MACF1: variants seen among roughly 807,000 people sequenced by gnomAD.
MACF1 encodes microtubule actin crosslinking factor 1.
Under a neutral mutation model 854.8 loss-of-function variants are expected in MACF1, and 193 were observed. The observed-to-expected ratio is 0.23, with a 90% confidence interval of 0.20 to 0.25. The LOEUF is 0.25. Ranked by LOEUF, MACF1 falls within the 10% of genes least tolerant of loss-of-function variation. The pLI, the probability that MACF1 is intolerant of heterozygous loss-of-function variation, is 1.00. For missense variants in MACF1, 7,722 were observed against 8,929.1 expected, an observed-to-expected ratio of 0.86 and a Z score of 5.45; for synonymous variants, 3,185 against 3,226.7, an observed-to-expected ratio of 0.99 and a Z score of 0.44.
In MACF1 at chr1:39,254,380, G is replaced by T; in HGVS notation, c.435+5G>T. 1 of 1,613,888 alleles carries T rather than the reference G, an allele frequency of 6.2e-7. No homozygotes were observed. The highest frequency in any genetic ancestry group is 1.7e-4 in the Middle Eastern group (1 of 6,050). On this transcript the variant is annotated splice_donor_5th_base_variant and intron_variant, in intron 5 of 100. Coordinates refer to ENST00000564288, the MANE Select transcript of MACF1 (RefSeq NM_001394062.1). The stretch of plus-strand genomic sequence containing the variant: ...GACTTCCTAAAGCAGCGACAGGTAA[G>T]ACCATCACATGCCTTCCCCATTCTT...
rs1649114017 is a variant in MACF1, at chr1:39,370,286, A to G, written c.13095+100A>G. ...TGGTGGGGAAATGTATGAGAAATCC[A>G]AGTTGTCAGTCTGCATCAGAACAGA... On this transcript the variant is annotated intron_variant, in intron 51 of 100. Coordinates refer to ENST00000564288, the MANE Select transcript of MACF1 (RefSeq NM_001394062.1). The G allele has an allele frequency of 4.5e-6, 5 of 1,105,538 alleles. No homozygotes were observed. The East Asian group carries it at 1.3e-4, about 30-fold the overall frequency. The allele number at this position is 1,105,538 out of a possible 1,614,324, so 68.5% of individuals were successfully genotyped here.
At chr1:39,154,954 G>A (rs934260475) in intron 2 of MACF1, among the ~76,000 whole-genome samples, 1 of 152,114 alleles carries the variant, frequency 6.6e-6, no homozygotes, top group African/African-American at 2.4e-5. Flanking sequence ...AGTCTTTCAC[G>A]TTTCCCTGTC....
chr1:39,424,225 C>T, intron 61 of MACF1, 31 bp downstream of exon 61: 1 of 1,593,850 alleles, frequency 6.3e-7, no homozygotes, highest in Non-Finnish European at 8.6e-7. Context: ...AGGAGTGGGT[C>T]AGAGGTTTGT....
chr1:39,477,588 A>G (rs905913991), intron 97 of MACF1, among the ~76,000 whole-genome samples: 2 of 151,754 alleles, frequency 1.3e-5, no homozygotes, highest in African/African-American at 4.8e-5. Context: ...AGCAATTTCC[A>G]TGAGTGGTGG....
chr1:39,125,661 CTG>C (rs1278242998), intron 2 of MACF1, among the ~76,000 whole-genome samples: 1 of 152,136 alleles, frequency 6.6e-6, no homozygotes, highest in East Asian at 1.9e-4. Flanking sequence ...TAGCCAGGTC[CTG>C]TCTGTTTTTA....
At position 39,485,743 on chromosome 1, in the gene MACF1, G is replaced by A. The variant is rs564915246; in HGVS notation, c.22617G>A (p.Met7539Ile). The A allele has an allele frequency of 6.2e-7, 1 of 1,613,028 alleles. No homozygotes were observed. Among genetic ancestry groups the A allele is most frequent in the Admixed American group, 1.7e-5 (1 of 59,998 alleles). ...GLNKPSKIPT[M>I]SKKTTTASPR... ...ACAAACCTTCCAAAATCCCAACCAT[G>A]TCTAAGAAGACCACCACTGCCTCCC... Residue 7539 changes from methionine (M) to isoleucine (I), a missense_variant, in exon 101 of 101, where the codon ATG becomes ATA. By Grantham distance (10) the Met-to-Ile change is conservative (BLOSUM62 1). Coordinates refer to ENST00000564288, the MANE Select transcript of MACF1 (RefSeq NM_001394062.1).
At chr1:39,415,985 A>G (rs921259255) in intron 58 of MACF1, among the ~76,000 whole-genome samples, 13 of 152,320 alleles carry the variant, frequency 8.5e-5, no homozygotes, top group African/African-American at 3.1e-4. Flanking sequence ...GATGGATGCT[A>G]CAAGAAAGAT....
chr1:39,093,282 C>T (rs981340356), intron 2 of MACF1, among the ~76,000 whole-genome samples: 6 of 150,844 alleles, frequency 4.0e-5, no homozygotes, highest in Non-Finnish European at 5.9e-5. Context: ...GTTCAGTCCC[C>T]AAGACATTCC....
rs753331347 is a variant in MACF1 at position 39,332,015 on chromosome 1, G to A, written c.5427G>A (p.Gln1809=). Residue 1809 remains glutamine, a synonymous_variant, in exon 37 of 101, where the codon CAG becomes CAA. Coordinates refer to ENST00000564288, the MANE Select transcript of MACF1 (RefSeq NM_001394062.1). ...GTGCTATCCTCATAAGGCAGCTTCA[G>A]ACAGGAGGCATCATAGACACTGTCA... ...MACAILIRQL[Q]TGGIIDTVTG... The A allele has an allele frequency of 6.2e-7, 1 of 1,614,010 alleles. No individual in the cohort carries two copies. Among genetic ancestry groups the A allele is most frequent in the Non-Finnish European group, 8.5e-7 (1 of 1,180,012 alleles).
chr1:39,255,326 A>G (rs1645084978), intron 5 of MACF1, among the ~76,000 whole-genome samples: 1 of 152,192 alleles, frequency 6.6e-6, no homozygotes, highest in Non-Finnish European at 1.5e-5. Context: ...AGAGACAAGG[A>G]GAATGACAGA....
intron 2 of MACF1, among the ~76,000 whole-genome samples, chr1:39,147,249 CTCTT>C (rs970487690): frequency 2.7e-5 from 4 of 150,322 alleles, no homozygotes; most frequent in South Asian, 2.1e-4. Flanking sequence ...TCTCTCCTCT[CTCTT>C]TTCCTTCCTT....
intron 58 of MACF1, chr1:39,413,247 G>A (rs1263640116): frequency 1.2e-6 from 2 of 1,612,606 alleles, no homozygotes; most frequent in East Asian, 2.2e-5. Flanking sequence ...CTGTCAGAGT[G>A]TCCACCCCAG....
chr1:39,286,293 C>T (rs945428560), intron 14 of MACF1, among the ~76,000 whole-genome samples: 2 of 152,138 alleles, frequency 1.3e-5, no homozygotes, highest in African/African-American at 4.8e-5. Context: ...GGATTATAGG[C>T]GTGAACCACT....
chr1:39,171,177 C>G (rs1057287949), intron 2 of MACF1, among the ~76,000 whole-genome samples: 22 of 150,212 alleles, frequency 1.5e-4, no homozygotes, highest in African/African-American at 4.9e-4. Flanking sequence ...TCCATATTTA[C>G]TTTTACATAA....
intron 1 of MACF1, among the ~76,000 whole-genome samples, chr1:39,205,439 C>G (rs1322114755): frequency 6.6e-6 from 1 of 152,150 alleles, no homozygotes; most frequent in Non-Finnish European, 1.5e-5. Context: ...AGTCTTTCCT[C>G]AGAGAACTGA....
intron 58 of MACF1, among the ~76,000 whole-genome samples, chr1:39,390,662 T>A (rs1641996487): frequency 6.6e-6 from 1 of 152,224 alleles, no homozygotes; most frequent in South Asian, 2.1e-4. Context: ...TTTCCTCTTT[T>A]GTTATAAGTG....
At chr1:39,248,236 C>T (rs17503527) in intron 2 of MACF1, among the ~76,000 whole-genome samples, 2 of 152,112 alleles carry the variant, frequency 1.3e-5, no homozygotes, top group African/African-American at 2.4e-5. Flanking sequence ...CCCGTTTCTT[C>T]GAGGAAGTCT....
At chr1:39,223,452 G>A (rs1472476915) in intron 1 of MACF1, among the ~76,000 whole-genome samples, 2 of 152,040 alleles carry the variant, frequency 1.3e-5, no homozygotes, top group Admixed American at 1.3e-4. Context: ...GAGTTGTTGA[G>A]CATTAGAAAG....
chr1:39,211,696 G>A (rs1571178891), intron 1 of MACF1, among the ~76,000 whole-genome samples: 1 of 152,108 alleles, frequency 6.6e-6, no homozygotes, highest in East Asian at 1.9e-4. Flanking sequence ...GCCTGGCCAA[G>A]ATGGTAAAAC....
Sources: gnomAD v4.1 joint callset for allele counts (sites outside exome capture counted in the v4.1 genomes callset) on GRCh38, gnomAD v4.1.1 for gene constraint, MANE v1.5 for transcripts, NCBI Gene and HGNC (gene_info 2026-07-23, HGNC 2026-07-21) for gene names.